Variants in RHOBTB2 observed in about 807,000 individuals in gnomAD.
RHOBTB2 encodes rho-related BTB domain-containing protein 2.
A neutral mutation model predicts 66.5 loss-of-function variants in RHOBTB2; 39 were observed. The observed-to-expected ratio is 0.59, with a 90% confidence interval of 0.45 to 0.77. The LOEUF is 0.77. Ranked by LOEUF, RHOBTB2 falls within the 30% of genes least tolerant of loss-of-function variation. RHOBTB2 has a pLI of 0.00. For missense variants in RHOBTB2, 755 were observed against 999.1 expected (o/e 0.76, Z 3.29); for synonymous variants, 390 against 395.0 (o/e 0.99, Z 0.15).
At chr8:22,986,665 A>G (rs1356855641), upstream of RHOBTB2, among the ~76,000 whole-genome samples, 1 of 152,180 alleles carries the variant, frequency 6.6e-6, no homozygotes, top group Non-Finnish European at 1.5e-5. Flanking sequence ...ACAGAGCTCA[A>G]GTAATTTGGA....
chr8:22,997,625 T>G (rs2466190), upstream of RHOBTB2, among the ~76,000 whole-genome samples: 145,764 of 152,302 alleles, frequency 0.96, 69,791 homozygotes, highest in East Asian at 1. Context: ...TAGCTTACAG[T>G]CCGAGCAGCC....
rs1810992810 is a variant in RHOBTB2 at position 23,007,250 on chromosome 8, G to C, written c.1005G>C (p.Gly335=). 6.2e-7 allele frequency: 1 copy of C among 1,611,644 alleles called. No homozygotes were observed. Among genetic ancestry groups the C allele is most frequent in the Non-Finnish European group, 8.5e-7 (1 of 1,179,860 alleles). The change falls in exon 5 of 10, where the codon GGG becomes GGC. Residue 335 remains glycine (G), a synonymous_variant. Transcript: ENST00000251822. ...QHHHHHHHHH[G]RDFLLRAASF... is the part of the protein sequence containing the mutation. The stretch of plus-strand genomic sequence containing the variant: ...ACCACCATCACCACCACCACCATGG[G>C]CGAGACTTCCTGCTCCGAGCAGCCA...
rs115534866 is a variant in RHOBTB2 at position 22,987,908 on chromosome 8, G to C, written c.-137+345G>C. Among the ~76,000 whole-genome samples the C allele has an allele frequency of 7.6e-3, 1,160 of 152,196 alleles. 14 individuals carry two copies. Among genetic ancestry groups the C allele is most frequent in the African/African-American group, 0.026 (1,077 of 41,512 alleles). On this transcript the variant is annotated intron_variant, in intron 1 of 11. Coordinates refer to the RHOBTB2 transcript ENST00000519685. ...TCGCCATGTGCCAGCGGCAGGCCTG[G>C]ATGCCACTCTCTCCTTGTGACCCTG...
chr8:22,961,604 A>C, the RHOBTB2 span, among the ~76,000 whole-genome samples: 1 of 152,162 alleles, frequency 6.6e-6, no homozygotes, highest in African/African-American at 2.4e-5. Flanking sequence ...TTGATGCCAG[A>C]CATCACTGAA....
the RHOBTB2 span, among the ~76,000 whole-genome samples, chr8:22,973,564 C>T: frequency 6.6e-6 from 1 of 151,994 alleles, no homozygotes; most frequent in African/African-American, 2.4e-5. Flanking sequence ...CACGAGAGAC[C>T]CTGGAGGGCA....
upstream of RHOBTB2, chr8:22,998,810 G>T (rs1033767779): frequency 6.6e-6 from 1 of 150,568 alleles, no homozygotes; most frequent in African/African-American, 2.4e-5. Context: ...TCAGGTTATA[G>T]ATGTTATACC....
At position 22,999,808 on chromosome 8, in the gene RHOBTB2, G is replaced by T; in HGVS notation, c.-308G>T. On this transcript the variant is annotated 5_prime_UTR_variant, in exon 1 of 10. Transcript: ENST00000251822. ...CGCTGCCTCCGCAGCCCGGCTCCGC[G>T]CGCCGCCGTGACATTGGGCGCCTGG... 3.1e-6 allele frequency: 3 copies of T among 983,468 alleles called. No individual in the cohort carries two copies. The highest frequency in any genetic ancestry group is 3.6e-6 in the Non-Finnish European group (3 of 829,628). 60.9% of individuals were successfully genotyped at this position (983,468 alleles called of 1,614,324 possible).
chr8:22,973,159 T>C, the RHOBTB2 span, among the ~76,000 whole-genome samples: 24 of 152,348 alleles, frequency 1.6e-4, no homozygotes, highest in Middle Eastern at 6.8e-3. Context: ...CCCCACCCTG[T>C]GCTCACCTCT....
upstream of RHOBTB2, among the ~76,000 whole-genome samples, chr8:22,999,390 T>A (rs955110484): frequency 2.0e-5 from 3 of 148,940 alleles, no homozygotes; most frequent in African/African-American, 7.5e-5. Context: ...GCCGAGACCC[T>A]CCCCGCGGCG....
rs567139880 is a variant in RHOBTB2, at chr8:22,993,688, G to A, written c.-23-873G>A. 5.0e-4 allele frequency among the ~76,000 whole-genome samples: 76 copies of A among 152,334 alleles called. 1 individual carries two copies. Among genetic ancestry groups the A allele is most frequent in the African/African-American group, 1.7e-3 (69 of 41,570 alleles). ...CGTTGGTTTCTTTTCACTCCTGGGA[G>A]CTTCCTCTTCTCTTGGCTTCTCTGG... On this transcript the variant is annotated intron_variant, in intron 2 of 11. Coordinates refer to the RHOBTB2 transcript ENST00000519685.
chr8:22,990,773 C>A (rs1810405949), intron 1 of RHOBTB2, among the ~76,000 whole-genome samples: 1 of 152,136 alleles, frequency 6.6e-6, no homozygotes, highest in Non-Finnish European at 1.5e-5. Flanking sequence ...CAGCCTGTGG[C>A]CCCCGCCGCT....
the RHOBTB2 span, among the ~76,000 whole-genome samples, chr8:22,972,701 A>G: frequency 6.6e-6 from 1 of 152,202 alleles, no homozygotes; most frequent in Non-Finnish European, 1.5e-5. Flanking sequence ...CCCTACTCCC[A>G]GCGTTTCAGA....
the RHOBTB2 span, among the ~76,000 whole-genome samples, chr8:22,980,680 C>T: frequency 2.0e-5 from 3 of 152,186 alleles, no homozygotes; most frequent in African/African-American, 7.2e-5. Flanking sequence ...GTTATGCTAG[C>T]TGTCTTCAAA....
At chr8:22,958,651 A>C in the RHOBTB2 span, among the ~76,000 whole-genome samples, 1 of 151,882 alleles carries the variant, frequency 6.6e-6, no homozygotes, top group Non-Finnish European at 1.5e-5. Context: ...AATCAAAAAA[A>C]TTAGCTGGGC....
rs949804510 is a variant in RHOBTB2 at position 23,004,320 on chromosome 8, C to A, written c.-10-105C>A. 65 of 955,898 alleles carry A rather than the reference C, an allele frequency of 6.8e-5. No individual in the cohort carries two copies. The highest frequency in any genetic ancestry group is 1.0e-4 in the Non-Finnish European group (61 of 607,038). 59.2% of individuals were successfully genotyped at this position (955,898 alleles called of 1,614,324 possible). A position where few individuals can be genotyped will look rare whatever the true frequency, so the allele number is the denominator to read the frequency against. On this transcript the variant is annotated intron_variant, in intron 1 of 9. Transcript: ENST00000251822. The surrounding 1 kb of genome is among the most constrained non-coding windows in gnomAD (Gnocchi z 6.4). ...CTTCCTCCTCCTGTCAGCTCCGGGG[C>A]TTGCAGAGGGGGCAGCCTGGCTGAG...
At chr8:23,014,058 A>C (rs899523023) in intron 7 of RHOBTB2, among the ~76,000 whole-genome samples, 1 of 152,166 alleles carries the variant, frequency 6.6e-6, no homozygotes, top group African/African-American at 2.4e-5. Context: ...ATTTGTGTGC[A>C]CTAGGAATGC....
the RHOBTB2 span, among the ~76,000 whole-genome samples, chr8:22,972,928 C>G: frequency 1.3e-5 from 2 of 152,206 alleles, no homozygotes; most frequent in African/African-American, 4.8e-5. Context: ...AGCCATCCTG[C>G]GATGGGTGCA....
intron 2 of RHOBTB2, among the ~76,000 whole-genome samples, chr8:22,992,781 G>A (rs773894642): frequency 1.2e-4 from 18 of 152,232 alleles, no homozygotes; most frequent in Admixed American, 3.9e-4. Flanking sequence ...TTTCTTTACT[G>A]AAGTCGGAGA....
upstream of RHOBTB2, among the ~76,000 whole-genome samples, chr8:22,998,603 G>A (rs1383407502): frequency 6.6e-6 from 1 of 151,662 alleles, no homozygotes; most frequent in Non-Finnish European, 1.5e-5. Context: ...GAATAGTGGC[G>A]TGCACTTGTA....
Sources: gnomAD v4.1 joint callset for allele counts (sites outside exome capture counted in the v4.1 genomes callset) on GRCh38, gnomAD v4.1.1 for gene constraint, Gnocchi (gnomAD v3.1) non-coding constraint, MANE v1.5 for transcripts, NCBI Gene and HGNC (gene_info 2026-07-23, HGNC 2026-07-21) for gene names.